The following SRGAP3 variants were observed in gnomAD, a reference collection of about 807,000 sequenced individuals.
The protein encoded by SRGAP3 is SLIT-ROBO Rho GTPase activating protein 3, also known as SLIT-ROBO Rho GTPase-activating protein 3.
SRGAP3 carries 39 observed loss-of-function variants against 121.1 expected under a neutral mutation model. That is an observed-to-expected ratio of 0.32 (90% CI 0.25 to 0.42). SRGAP3 has a LOEUF of 0.42. Among genes scored for constraint, SRGAP3 ranks in the 10% least tolerant of loss-of-function variants. The pLI, the probability that SRGAP3 is intolerant of heterozygous loss-of-function variation, is 1.00. For missense variants in SRGAP3, 1,213 were observed against 1,470.6 expected (o/e 0.82, Z 2.86); for synonymous variants, 601 against 570.0 (o/e 1.05, Z -0.77).
At chr3:9,007,678 A>G (rs181612325) in intron 18 of SRGAP3, 1 of 152,178 alleles carries the variant, frequency 6.6e-6, no homozygotes, top group Non-Finnish European at 1.5e-5. Context: ...GCTCCTTCAC[A>G]TATGTCACCT....
rs1242587521 is a variant in SRGAP3 at position 9,086,517 on chromosome 3, CAAA to C, written c.424-6433_424-6431del. The stretch of plus-strand genomic sequence containing the variant: ...CCTGGGTGACAGAATGAGACTGTTT[CAAA>C]AAAAAAAAAAAAAAAAAACCATATA... On this transcript the variant is annotated intron_variant, in intron 3 of 21. Coordinates refer to ENST00000383836, the MANE Select transcript of SRGAP3 (RefSeq NM_014850.4). 4.6e-3 allele frequency among the ~76,000 whole-genome samples: 398 copies of C among 87,082 alleles called. 1 individual carries two copies. The highest frequency in any genetic ancestry group is 0.016 in the African/African-American group (374 of 23,864). 57.1% of individuals were successfully genotyped at this position (87,082 alleles called of 152,430 possible).
intron 14 of SRGAP3, 91 bp downstream of exon 14, chr3:9,025,170 G>A (rs1386543530): frequency 2.5e-5 from 34 of 1,381,224 alleles, no homozygotes; most frequent in Middle Eastern, 3.5e-4. Flanking sequence ...ACTGCAGGCT[G>A]GCTTCTGCAC....
At chr3:9,190,676 A>C (rs1351806730) in intron 1 of SRGAP3, among the ~76,000 whole-genome samples, 1 of 152,210 alleles carries the variant, frequency 6.6e-6, no homozygotes, top group African/African-American at 2.4e-5. Context: ...TCGGTCAGCT[A>C]TCTGGGGCCT....
At chr3:9,140,496 A>G (rs1218807858) in intron 1 of SRGAP3, among the ~76,000 whole-genome samples, 3 of 152,226 alleles carry the variant, frequency 2.0e-5, no homozygotes, top group African/African-American at 7.2e-5. Flanking sequence ...CAGATAAATT[A>G]ATTTCATCAG....
At chr3:9,259,732 G>A (rs183258644) in intron 3 of SRGAP3, among the ~76,000 whole-genome samples, 70 of 152,106 alleles carry the variant, frequency 4.6e-4, no homozygotes, top group African/African-American at 1.1e-3. Context: ...TGTCCAATAC[G>A]ATTGTCACTA....
rs73144574 is a variant in SRGAP3, at chr3:9,132,282, G to T, written c.68-7365C>A. On this transcript the variant is annotated intron_variant, in intron 1 of 21. Transcript: ENST00000383836. ...ACCAAAGTCTGTCACTTACATTACG[G>T]CTCACCCTTTGTGTTGTACATTCTC... Among the ~76,000 whole-genome samples, 1,130 of 152,214 alleles carry T rather than the reference G, an allele frequency of 7.4e-3. 16 individuals carry two copies. The highest frequency in any genetic ancestry group is 0.026 in the African/African-American group (1,072 of 41,508).
chr3:9,158,215 G>C (rs781238498), intron 1 of SRGAP3, among the ~76,000 whole-genome samples: 1 of 152,182 alleles, frequency 6.6e-6, no homozygotes, highest in Non-Finnish European at 1.5e-5. Flanking sequence ...AAACCTGGGA[G>C]GGTTCTGTAG....
chr3:9,307,970 T>C (rs372259646), intron 3 of SRGAP3, among the ~76,000 whole-genome samples: 1 of 152,140 alleles, frequency 6.6e-6, no homozygotes, highest in Non-Finnish European at 1.5e-5. Context: ...GCCTGGCCAA[T>C]ATGGCGAAAC....
At chr3:9,289,532 T>C (rs1299334896) in intron 3 of SRGAP3, among the ~76,000 whole-genome samples, 5 of 152,234 alleles carry the variant, frequency 3.3e-5, no homozygotes, top group Admixed American at 6.5e-5. Flanking sequence ...GAATTCATGT[T>C]ATAGATCCTC....
intron 4 of SRGAP3, among the ~76,000 whole-genome samples, chr3:9,073,320 T>G (rs773444655): frequency 6.6e-6 from 1 of 152,160 alleles, no homozygotes; most frequent in South Asian, 2.1e-4. Context: ...ATTTTTTGTA[T>G]TTTTTGTAGA....
chr3:9,078,322 C>T (rs1312914736), intron 4 of SRGAP3, among the ~76,000 whole-genome samples: 2 of 152,048 alleles, frequency 1.3e-5, no homozygotes. Context: ...GAAAGTGATC[C>T]ATTCAAAGTG....
chr3:9,064,623 C>T, intron 4 of SRGAP3, 42 bp from the exon 5 acceptor site: 1 of 1,609,892 alleles, frequency 6.2e-7, no homozygotes, highest in East Asian at 2.2e-5. Context: ...CCAGCTATGG[C>T]CCAGCACGGC....
chr3:9,019,571 G>T (rs1315949452), intron 14 of SRGAP3, among the ~76,000 whole-genome samples: 2 of 152,220 alleles, frequency 1.3e-5, no homozygotes, highest in African/African-American at 4.8e-5. Context: ...CCTGAACAGC[G>T]AAGAGCACCT....
At chr3:9,344,369 C>T (rs948276459) in intron 1 of SRGAP3, among the ~76,000 whole-genome samples, 6 of 152,066 alleles carry the variant, frequency 3.9e-5, no homozygotes, top group African/African-American at 1.2e-4. Context: ...GCAGGAGAAT[C>T]GCTTGAACCT....
chr3:9,294,722 G>A (rs1279994747), intron 3 of SRGAP3, among the ~76,000 whole-genome samples: 1 of 151,236 alleles, frequency 6.6e-6, no homozygotes, highest in African/African-American at 2.4e-5. Context: ...GTGTGTGTGT[G>A]TGTGTGTGTG....
At chr3:9,047,537 T>C in intron 9 of SRGAP3, 62 bp from the exon 10 acceptor site, 1 of 1,517,250 alleles carries the variant, frequency 6.6e-7, no homozygotes, top group Non-Finnish European at 9.1e-7. Flanking sequence ...GATCTCTGCC[T>C]CTGCAACTGA....
chr3:9,042,015 C>T lies in SRGAP3; in HGVS notation c.1409-3925G>A, dbSNP rs184815973. Among the ~76,000 whole-genome samples, 94 of 151,140 alleles carry T rather than the reference C, an allele frequency of 6.2e-4. 1 individual carries two copies. The highest frequency in any genetic ancestry group is 6.1e-3 in the East Asian group (31 of 5,112). ...ACTCGGGAGGCTAAGACACAAGAAT[C>T]GCTTGAACCCAGGAGTTGGAGGTTA... On this transcript the variant is annotated intron_variant, in intron 10 of 21. Coordinates refer to ENST00000383836, the MANE Select transcript of SRGAP3 (RefSeq NM_014850.4).
intron 3 of SRGAP3, among the ~76,000 whole-genome samples, chr3:9,304,981 C>A (rs1219215461): frequency 6.6e-6 from 1 of 152,216 alleles, no homozygotes; most frequent in African/African-American, 2.4e-5. Context: ...ATCCTCACAA[C>A]AACCTTCAGA....
intron 1 of SRGAP3, among the ~76,000 whole-genome samples, chr3:9,146,494 G>A (rs972142671): frequency 6.6e-6 from 1 of 152,254 alleles, no homozygotes; most frequent in Non-Finnish European, 1.5e-5. Context: ...AAGGAAGCCA[G>A]TCTGGGAGAA....
Sources: allele counts gnomAD v4.1 joint callset (sites outside exome capture counted in the v4.1 genomes callset), GRCh38; gene constraint gnomAD v4.1.1; transcripts MANE v1.5; gene names NCBI Gene and HGNC (gene_info 2026-07-23, HGNC 2026-07-21).